Variants in NRG3 observed in about 807,000 individuals in gnomAD.
NRG3 encodes the protein pro-neuregulin-3, membrane-bound isoform.
A neutral mutation model predicts 66.9 loss-of-function variants in NRG3; 31 were observed. The ratio of observed to expected loss-of-function variants is 0.46; its 90% CI spans 0.35 to 0.63. The LOEUF is 0.63. NRG3 is among the 20% of genes least tolerant of loss of function. The probability of loss-of-function intolerance (pLI) is 0.00; values close to 1 mark genes in which losing one functional copy is unlikely to be tolerated. For synonymous variants in NRG3, 393 were observed against 359.4 expected (o/e 1.09, Z -1.06); for missense variants, 910 against 878.9 (o/e 1.04, Z -0.45).
At chr10:82,483,635 G>A (rs1246513375) in intron 2 of NRG3, among the ~76,000 whole-genome samples, 1 of 152,092 alleles carries the variant, frequency 6.6e-6, no homozygotes, top group Non-Finnish European at 1.5e-5. Context: ...CACACGCCAG[G>A]CCCTATTCCC....
intron 1 of NRG3, among the ~76,000 whole-genome samples, chr10:82,345,742 A>C (rs941140958): frequency 6.6e-6 from 1 of 151,826 alleles, no homozygotes; most frequent in Non-Finnish European, 1.5e-5. Flanking sequence ...TATTTCCTTG[A>C]GCAGTGGTTT....
intron 1 of NRG3, among the ~76,000 whole-genome samples, chr10:82,135,015 A>G (rs1022926765): frequency 1.3e-5 from 2 of 151,038 alleles, no homozygotes; most frequent in Non-Finnish European, 2.9e-5. Flanking sequence ...AGTCCCAGCT[A>G]CTCGGGAGGC....
At chr10:82,342,692 C>A (rs1784255685) in intron 1 of NRG3, among the ~76,000 whole-genome samples, 2 of 152,000 alleles carry the variant, frequency 1.3e-5, no homozygotes, top group Admixed American at 6.6e-5. Flanking sequence ...GCATAGATTG[C>A]AAATATTTTC....
chr10:82,283,971 G>A (rs2079265598), intron 1 of NRG3, among the ~76,000 whole-genome samples: 1 of 152,198 alleles, frequency 6.6e-6, no homozygotes, highest in African/African-American at 2.4e-5. Flanking sequence ...TTGCTAAGGA[G>A]GAAAATGAAA....
At chr10:82,209,874 A>G (rs1442193664) in intron 1 of NRG3, among the ~76,000 whole-genome samples, 2 of 152,120 alleles carry the variant, frequency 1.3e-5, no homozygotes, top group Admixed American at 6.6e-5. Context: ...TGCAATGTCA[A>G]TCTTGGGTCG....
At chr10:82,672,222 A>G (rs966194480) in intron 2 of NRG3, among the ~76,000 whole-genome samples, 1 of 152,114 alleles carries the variant, frequency 6.6e-6, no homozygotes, top group African/African-American at 2.4e-5. Flanking sequence ...GGCAGTGGGG[A>G]CAGAAAGTGC....
intron 1 of NRG3, among the ~76,000 whole-genome samples, chr10:82,268,854 C>T (rs577750875): frequency 2.0e-5 from 3 of 152,132 alleles, no homozygotes; most frequent in South Asian, 2.1e-4. Context: ...ACTCTTTCCA[C>T]GGGTGACACT....
rs185593506 is a variant in NRG3, at chr10:82,428,128, G to A, written c.953+69260G>A. Among the ~76,000 whole-genome samples, 16 of 151,714 alleles carry A rather than the reference G, an allele frequency of 1.1e-4. No homozygotes were observed. The East Asian group carries it at 1.9e-3, about 18-fold the overall frequency. ...TAGTTAAAAATTTTTCAATTTGGTC[G>A]ATCTTTTTAATGAGCTAAAGTTTTG... On this transcript the variant is annotated intron_variant, in intron 2 of 8. Coordinates refer to ENST00000372141, the MANE Select transcript of NRG3 (RefSeq NM_001010848.4).
intron 2 of NRG3, among the ~76,000 whole-genome samples, chr10:82,501,419 C>A (rs1230223731): frequency 6.6e-6 from 1 of 152,146 alleles, no homozygotes; most frequent in Admixed American, 6.5e-5. Flanking sequence ...CTCCCTGTTA[C>A]ACTCAGGTCA....
chr10:81,931,141 A>G (rs1168501130), intron 1 of NRG3, among the ~76,000 whole-genome samples: 1 of 152,120 alleles, frequency 6.6e-6, no homozygotes, highest in African/African-American at 2.4e-5. Flanking sequence ...TGGCCCCATT[A>G]TTGAACTCAA....
chr10:82,649,238 G>C (rs1222133217), intron 2 of NRG3, among the ~76,000 whole-genome samples: 1 of 152,064 alleles, frequency 6.6e-6, no homozygotes, highest in African/African-American at 2.4e-5. Context: ...GCATTTCAAA[G>C]AGACACCCCT....
At chr10:82,683,232 G>A (rs540921125) in intron 2 of NRG3, among the ~76,000 whole-genome samples, 16 of 152,120 alleles carry the variant, frequency 1.1e-4, no homozygotes, top group Middle Eastern at 6.8e-3. Flanking sequence ...TGGGATTACA[G>A]GCGTGAGCCA....
chr10:82,611,407 T>A (rs886244938), intron 2 of NRG3, among the ~76,000 whole-genome samples: 1 of 152,184 alleles, frequency 6.6e-6, no homozygotes, highest in South Asian at 2.1e-4. Context: ...CCCAGTGCTA[T>A]CCCTCCCCCA....
intron 2 of NRG3, among the ~76,000 whole-genome samples, chr10:82,736,744 A>C (rs528676982): frequency 6.6e-6 from 1 of 152,350 alleles, no homozygotes; most frequent in South Asian, 2.1e-4. Context: ...GTAACAAAGA[A>C]CACTTAAAAA....
intron 1 of NRG3, among the ~76,000 whole-genome samples, chr10:82,052,681 G>A (rs763904767): frequency 1.3e-5 from 2 of 152,146 alleles, no homozygotes; most frequent in African/African-American, 2.4e-5. Context: ...AACTAATAGC[G>A]TGTAGCTTAG....
intron 2 of NRG3, among the ~76,000 whole-genome samples, chr10:82,653,635 G>C (rs1447079141): frequency 6.6e-6 from 1 of 151,386 alleles, no homozygotes; most frequent in East Asian, 1.9e-4. Context: ...CATACAACTA[G>C]TTCAGGTTTT....
intron 1 of NRG3, among the ~76,000 whole-genome samples, chr10:81,902,730 T>C (rs958380356): frequency 6.6e-6 from 1 of 152,212 alleles, no homozygotes; most frequent in Non-Finnish European, 1.5e-5. Flanking sequence ...GAAGGTAGGA[T>C]ACGTGGTTTA....
At chr10:81,992,439 C>CT (rs1480111362) in intron 1 of NRG3, among the ~76,000 whole-genome samples, 1 of 152,078 alleles carries the variant, frequency 6.6e-6, no homozygotes, top group Non-Finnish European at 1.5e-5. Flanking sequence ...TTGGCCATGT[C>CT]TCCTTTTGCT....
At chr10:82,261,588 A>T (rs995035476) in intron 1 of NRG3, among the ~76,000 whole-genome samples, 5 of 152,164 alleles carry the variant, frequency 3.3e-5, no homozygotes, top group African/African-American at 1.2e-4. Context: ...AGCCCCAAAG[A>T]GAGATTTACC....
Sources: allele counts gnomAD v4.1 joint callset (sites outside exome capture counted in the v4.1 genomes callset), GRCh38; gene constraint gnomAD v4.1.1; transcripts MANE v1.5; gene names NCBI Gene and HGNC (gene_info 2026-07-23, HGNC 2026-07-21).